Variants in PIF1 observed in about 807,000 individuals in gnomAD.
PIF1 encodes ATP-dependent DNA helicase PIF1.
Under a neutral mutation model 62.3 loss-of-function variants are expected in PIF1, and 67 were observed. The observed-to-expected ratio is 1.08, with a 90% CI of 0.88 to 1.32. PIF1 has a LOEUF of 1.32. Among genes scored for constraint, PIF1 ranks in the 40% most tolerant of loss-of-function variants. The probability of loss-of-function intolerance (pLI) is 0.00; values close to 1 mark genes in which losing one functional copy is unlikely to be tolerated. For synonymous variants in PIF1, 364 were observed against 379.5 expected, an observed-to-expected ratio of 0.96 and a Z score of 0.47; for missense variants, 886 against 866.1, an observed-to-expected ratio of 1.02 and a Z score of -0.29.
At chr15:64,816,515 C>T in intron 12 of PIF1, 59 bp downstream of exon 12, 1 of 1,599,680 alleles carries the variant, frequency 6.3e-7, no homozygotes, top group Non-Finnish European at 8.5e-7. Context: ...GGCGCTCCCT[C>T]TGTCCTAGCT....
At position 64,816,751 on chromosome 15, in the gene PIF1, A is replaced by T; in HGVS notation, c.1689T>A (p.Asp563Glu). 6.3e-7 allele frequency: 1 copy of T among 1,599,536 alleles called. No homozygotes were observed. Among genetic ancestry groups the T allele is most frequent in the South Asian group, 1.1e-5 (1 of 89,776 alleles). Reference sequence around the variant, plus strand: ...CACGGCCCAGAGAAATCTCCACACAATCCAGGGTCATGCCCTGGGGGATGC... The same window carrying T: ...CACGGCCCAGAGAAATCTCCACACATTCCAGGGTCATGCCCTGGGGGATGC... ...SIHKSQGMTL[D>E]CVEISLGRVF... Residue 563 changes from aspartate to glutamate, a missense_variant, in exon 12 of 13, where the codon GAT becomes GAA. Physicochemically the swap from Asp to Glu is conservative, Grantham distance 45. Coordinates refer to ENST00000559239, the MANE Select transcript of PIF1 (RefSeq NM_001286496.2).
chr15:64,826,663 TATACACACAC>T (rs1470859931), upstream of PIF1, among the ~76,000 whole-genome samples: 2 of 27,344 alleles, frequency 7.3e-5, no homozygotes, highest in African/African-American at 2.7e-4. Context: ...TATATATATA[TATACACACAC>T]ACACACATAT....
At position 64,815,919 on chromosome 15, in the gene PIF1, C is replaced by G. The variant is rs190258249; in HGVS notation, c.*379G>C. 2.2e-4 allele frequency: 348 copies of G among 1,550,438 alleles called. No homozygotes were observed. The African/African-American group carries it at 4.4e-3, about 19-fold the overall frequency. ...GAGCCCTGATGCTGCTTCCGGAGCA[C>G]CTGTCTTCATTGCCTCTCCCTTCTG... On this transcript the variant is annotated 3_prime_UTR_variant, in exon 13 of 13. Coordinates refer to ENST00000559239, the MANE Select transcript of PIF1 (RefSeq NM_001286496.2).
At chr15:64,825,407 TCGCGCTTCCC>T (rs1249674315) in intron 1 of PIF1, among the ~76,000 whole-genome samples, 152 bp downstream of exon 1, 1 of 152,062 alleles carries the variant, frequency 6.6e-6, no homozygotes, top group East Asian at 1.9e-4. Context: ...TCCCATGCCC[TCGCGCTTCCC>T]ACCACCAAGG....
intron 7 of PIF1, 179 bp from the exon 8 acceptor site, chr15:64,820,165 A>T (rs114884331): frequency 1.4e-6 from 1 of 699,204 alleles, no homozygotes; most frequent in African/African-American, 1.8e-5. Context: ...TTGGACCCCA[A>T]ACATGGGGAA....
upstream of PIF1, among the ~76,000 whole-genome samples, chr15:64,826,665 T>TATATATATATAC (rs796684934): frequency 3.3e-4 from 14 of 42,794 alleles, no homozygotes; most frequent in East Asian, 2.0e-3. Flanking sequence ...TATATATATA[T>TATATATATATAC]ACACACACAC....
At chr15:64,818,691 G>A in intron 9 of PIF1, 1 of 333,948 alleles carries the variant, frequency 3.0e-6, no homozygotes. Flanking sequence ...TCTAGGTCCT[G>A]CCACCCCTCT....
chr15:64,816,915 G>T, intron 11 of PIF1, 150 bp from the exon 12 acceptor site: 1 of 687,676 alleles, frequency 1.5e-6, no homozygotes, highest in Non-Finnish European at 2.3e-6. Context: ...GACAGCAGGT[G>T]GCTGTCTGAG....
At chr15:64,822,412 A>T in intron 3 of PIF1, 21 bp from the exon 4 acceptor site, 1 of 1,614,128 alleles carries the variant, frequency 6.2e-7, no homozygotes, top group Non-Finnish European at 8.5e-7. Flanking sequence ...GCAAAGTTAG[A>T]CAGGTCTCCC....
In PIF1 at chr15:64,824,216, G is replaced by T; in HGVS notation, c.120C>A (p.Thr40=). The T allele has an allele frequency of 7.4e-7, 1 of 1,347,628 alleles. No individual in the cohort carries two copies. Among genetic ancestry groups the T allele is most frequent in the Non-Finnish European group, 9.6e-7 (1 of 1,043,066 alleles). The allele number at this position is 1,347,628 out of a possible 1,614,324, so 83.5% of individuals were successfully genotyped here. Residue 40 remains threonine (T), a synonymous_variant, in exon 2 of 13, where the codon ACC becomes ACA. Transcript: ENST00000559239. Reference sequence around the variant, plus strand: ...CGTTGCGACCCAGGCTCAGCTCCGCGGTGCGCAGGGCCTGGCGCCTTCGCG... The same window carrying T: ...CGTTGCGACCCAGGCTCAGCTCCGCTGTGCGCAGGGCCTGGCGCCTTCGCG... The part of the protein sequence containing the change: ...GQPRRRQALR[T]AELSLGRNER...
intron 4 of PIF1, 39 bp from the exon 5 acceptor site, chr15:64,821,559 G>T: frequency 8.0e-7 from 1 of 1,251,858 alleles, no homozygotes; most frequent in Non-Finnish European, 1.1e-6. Flanking sequence ...AATACCCAAA[G>T]CCTCTCTTTT....
At chr15:64,817,916 C>A (rs757945733) in intron 11 of PIF1, 30 bp downstream of exon 11, 2 of 1,590,810 alleles carry the variant, frequency 1.3e-6, no homozygotes, top group Non-Finnish European at 1.7e-6. Flanking sequence ...CTCTGCCCTC[C>A]CTGTCCCTGC....
At chr15:64,818,125 C>T in intron 10 of PIF1, 34 bp from the exon 11 acceptor site, 1 of 1,612,798 alleles carries the variant, frequency 6.2e-7, no homozygotes, top group Non-Finnish European at 8.5e-7. Context: ...AACTTTAGCT[C>T]TGCTTCAGGG....
At chr15:64,819,353 C>T in intron 8 of PIF1, 130 bp from the exon 9 acceptor site, 2 of 665,530 alleles carry the variant, frequency 3.0e-6, no homozygotes, top group Non-Finnish European at 5.1e-6. Flanking sequence ...CTCTGTTGCC[C>T]AGACTGGAGT....
upstream of PIF1, among the ~76,000 whole-genome samples, chr15:64,826,665 T>TATATATATAC (rs796684934): frequency 1.5e-3 from 66 of 42,756 alleles, no homozygotes; most frequent in East Asian, 3.1e-3. Context: ...TATATATATA[T>TATATATATAC]ACACACACAC....
At chr15:64,817,081 G>A (rs546432319) in intron 11 of PIF1, among the ~76,000 whole-genome samples, 1 of 152,146 alleles carries the variant, frequency 6.6e-6, no homozygotes, top group East Asian at 1.9e-4. Flanking sequence ...TTCTTTCTGT[G>A]CAAAATAGGA....
intron 9 of PIF1, 44 bp from the exon 10 acceptor site, chr15:64,818,388 G>A (rs765305442): frequency 6.3e-7 from 1 of 1,586,754 alleles, no homozygotes; most frequent in Non-Finnish European, 8.6e-7. Context: ...CCCTACCCAT[G>A]CCTGGTCTTA....
Position 64,821,149 on chromosome 15 carries a change from C to G in PIF1, c.1086+18G>C. On this transcript the variant is annotated intron_variant, in intron 6 of 12. Transcript: ENST00000559239. ...GAGCAGACCCCCAAGGAGAGCAGAG[C>G]TAGGAGGTGAGTAATACCTGGAAGC... is the stretch of plus-strand genomic sequence containing the variant. The G allele has an allele frequency of 1.9e-6, 3 of 1,613,798 alleles. No individual in the cohort carries two copies. The highest frequency in any genetic ancestry group is 2.2e-5 in the East Asian group (1 of 44,874).
intron 4 of PIF1, 43 bp from the exon 5 acceptor site, chr15:64,821,563 C>CTA: frequency 2.3e-6 from 3 of 1,333,206 alleles, no homozygotes; most frequent in Non-Finnish European, 2.9e-6. Flanking sequence ...CCCAAAGCCT[C>CTA]TCTTTTTTTT....
Sources: allele counts gnomAD v4.1 joint callset (sites outside exome capture counted in the v4.1 genomes callset), GRCh38; gene constraint gnomAD v4.1.1; transcripts MANE v1.5; gene names NCBI Gene and HGNC (gene_info 2026-07-23, HGNC 2026-07-21).